Variants in CSMD1 observed in about 807,000 individuals in gnomAD.
CSMD1 encodes CUB and Sushi multiple domains 1.
CSMD1 carries 213 observed loss-of-function variants against 417.5 expected under a neutral mutation model. That is an observed-to-expected ratio of 0.51 (90% CI 0.46 to 0.57). The LOEUF is 0.57. CSMD1 is among the 20% of genes least tolerant of loss of function. The probability of loss-of-function intolerance (pLI) is 0.00; values close to 1 mark genes in which losing one functional copy is unlikely to be tolerated. For missense variants in CSMD1, 6,923 were observed against 4,529.7 expected (o/e 1.53, Z -15.17); for synonymous variants, 2,862 against 1,736.8 (o/e 1.65, Z -16.11).
intron 3 of CSMD1, among the ~76,000 whole-genome samples, chr8:4,171,916 A>T (rs560283399): frequency 1.3e-5 from 2 of 152,148 alleles, no homozygotes; most frequent in African/African-American, 4.8e-5. Flanking sequence ...TACATAAATT[A>T]TGTTTCTCGC....
intron 1 of CSMD1, among the ~76,000 whole-genome samples, chr8:4,825,832 TG>T (rs1375166437): frequency 6.9e-6 from 1 of 144,020 alleles, no homozygotes; most frequent in Non-Finnish European, 1.5e-5. Context: ...AATTAAGAAA[TG>T]GGCAAAAGAC....
At chr8:4,355,086 C>A (rs1357432582) in intron 3 of CSMD1, among the ~76,000 whole-genome samples, 2 of 151,720 alleles carry the variant, frequency 1.3e-5, no homozygotes, top group Non-Finnish European at 2.9e-5. Context: ...CATGGTGAAA[C>A]CCCGTCTCTA....
chr8:3,116,519 G>C (rs1051495582), intron 42 of CSMD1, among the ~76,000 whole-genome samples: 1 of 152,124 alleles, frequency 6.6e-6, no homozygotes, highest in South Asian at 2.1e-4. Flanking sequence ...GGCTGGTTTT[G>C]GGAGTCTGAA....
chr8:3,378,486 G>A (rs780619039), intron 18 of CSMD1, among the ~76,000 whole-genome samples: 6 of 152,148 alleles, frequency 3.9e-5, no homozygotes, highest in Non-Finnish European at 8.8e-5. Context: ...GAACACCGAT[G>A]TGAAAATCCT....
At chr8:4,716,991 G>C (rs1053883856) in intron 1 of CSMD1, among the ~76,000 whole-genome samples, 7 of 152,002 alleles carry the variant, frequency 4.6e-5, no homozygotes, top group Non-Finnish European at 7.4e-5. Context: ...AAGTCTCCTG[G>C]TATAGAAGCC....
chr8:4,275,840 T>C (rs1220389973), intron 3 of CSMD1, among the ~76,000 whole-genome samples: 1 of 152,222 alleles, frequency 6.6e-6, no homozygotes, highest in Non-Finnish European at 1.5e-5. Context: ...TATTGTTATA[T>C]TTTATATGTT....
At chr8:4,532,082 C>T (rs964186054) in intron 2 of CSMD1, among the ~76,000 whole-genome samples, 14 of 149,508 alleles carry the variant, frequency 9.4e-5, no homozygotes, top group Non-Finnish European at 2.1e-4. Flanking sequence ...CATTCACAGT[C>T]ACTCTGGAAG....
At chr8:3,596,428 T>C (rs1584938611) in intron 8 of CSMD1, among the ~76,000 whole-genome samples, 1 of 152,164 alleles carries the variant, frequency 6.6e-6, no homozygotes, top group East Asian at 1.9e-4. Context: ...AGGAGGCTGA[T>C]TCCCAAATCA....
chr8:4,864,712 T>C (rs903338781), intron 1 of CSMD1, among the ~76,000 whole-genome samples: 2 of 151,858 alleles, frequency 1.3e-5, no homozygotes, highest in African/African-American at 4.8e-5. Context: ...AAACTACCTT[T>C]GAATTTTAAA....
At chr8:3,719,160 G>C (rs1356808360) in intron 6 of CSMD1, among the ~76,000 whole-genome samples, 2 of 152,010 alleles carry the variant, frequency 1.3e-5, no homozygotes, top group African/African-American at 4.8e-5. Context: ...TCTATACTTC[G>C]TTGCATTAAA....
In CSMD1 at chr8:2,950,318, G is replaced by A; in HGVS notation, c.10227C>T (p.His3409=). 1.2e-6 allele frequency: 2 copies of A among 1,613,174 alleles called. No homozygotes were observed. Among genetic ancestry groups the A allele is most frequent in the African/African-American group, 1.3e-5 (1 of 75,036 alleles). ...TAATTTGAAAAGCTTTCAGGAGTAA[G>A]TGGGCCTCCTCCTTCTTGTAAATGC... ...LTGIYKKEEA[H]LLLKAFQIKG... is the part of the protein sequence containing the mutation. The change falls in exon 67 of 70, where the codon CAC becomes CAT. Residue 3409 remains histidine, a synonymous_variant. Coordinates refer to ENST00000635120, the MANE Select transcript of CSMD1 (RefSeq NM_033225.6).
intron 3 of CSMD1, among the ~76,000 whole-genome samples, chr8:4,095,419 G>A (rs988613940): frequency 6.6e-6 from 1 of 152,062 alleles, no homozygotes; most frequent in East Asian, 1.9e-4. Flanking sequence ...AATGACAATA[G>A]TGCAGCTAGT....
chr8:3,473,740 G>A (rs569686789), intron 11 of CSMD1, among the ~76,000 whole-genome samples: 1 of 152,152 alleles, frequency 6.6e-6, no homozygotes, highest in Non-Finnish European at 1.5e-5. Flanking sequence ...AGCAGGGGTG[G>A]TGTCTGTATG....
chr8:4,243,570 A>C (rs900884508), intron 3 of CSMD1, among the ~76,000 whole-genome samples: 15 of 152,190 alleles, frequency 9.9e-5, no homozygotes, highest in Admixed American at 9.8e-4. Flanking sequence ...CATATGAGTA[A>C]ATAAGTTATG....
At chr8:3,484,665 G>C (rs889244487) in intron 11 of CSMD1, among the ~76,000 whole-genome samples, 1 of 152,126 alleles carries the variant, frequency 6.6e-6, no homozygotes, top group South Asian at 2.1e-4. Context: ...CGCAGACTGA[G>C]AAAAAATAGC....
At chr8:4,880,673 G>A (rs7005918) in intron 1 of CSMD1, among the ~76,000 whole-genome samples, 1,755 of 152,174 alleles carry the variant, frequency 0.012, 45 homozygotes, top group African/African-American at 0.04. Flanking sequence ...GAGACAGAGA[G>A]ACTTTTCTGC....
intron 3 of CSMD1, among the ~76,000 whole-genome samples, chr8:4,302,809 G>C (rs77112610): frequency 6.6e-6 from 1 of 152,158 alleles, no homozygotes; most frequent in Admixed American, 6.5e-5. Context: ...AAGCCAGAGA[G>C]TGAAGTCACA....
chr8:4,201,881 A>C (rs934538539), intron 3 of CSMD1, among the ~76,000 whole-genome samples: 3 of 33,258 alleles, frequency 9.0e-5, no homozygotes, highest in Non-Finnish European at 1.8e-4. Context: ...TTATACATGG[A>C]AATTTTGGGG....
At chr8:3,717,712 A>T (rs984021958) in intron 6 of CSMD1, among the ~76,000 whole-genome samples, 1 of 152,228 alleles carries the variant, frequency 6.6e-6, no homozygotes, top group Non-Finnish European at 1.5e-5. Flanking sequence ...TATTGGTAGA[A>T]TAAAAATAAA....
Sources: allele counts gnomAD v4.1 joint callset (sites outside exome capture counted in the v4.1 genomes callset), GRCh38; gene constraint gnomAD v4.1.1; transcripts MANE v1.5; gene names NCBI Gene and HGNC (gene_info 2026-07-23, HGNC 2026-07-21).